Variants in HTT-AS observed in about 807,000 individuals in gnomAD.
HTT-AS encodes the protein HTT antisense RNA (head to head).
intron 2 of HTT-AS, among the ~76,000 whole-genome samples, chr4:3,060,044 C>G (rs1711897681): frequency 6.6e-6 from 1 of 151,852 alleles, no homozygotes; most frequent in Non-Finnish European, 1.5e-5. Context: ...GCGTCGGTCT[C>G]CTGAGTAGCT....
chr4:3,061,887 C>G (rs1711932621), intron 2 of HTT-AS, among the ~76,000 whole-genome samples: 1 of 147,536 alleles, frequency 6.8e-6, no homozygotes, highest in Admixed American at 7.0e-5. Flanking sequence ...CAGGCTGAGG[C>G]AGGAGAATGG....
exon 2 of HTT-AS, among the ~76,000 whole-genome samples, chr4:3,062,700 C>T (rs1478852674): frequency 4.6e-5 from 7 of 151,984 alleles, no homozygotes; most frequent in South Asian, 2.1e-4. Flanking sequence ...AGGGTAAGTG[C>T]GGTTCTCTGG....
intron 2 of HTT-AS, among the ~76,000 whole-genome samples, chr4:3,053,551 A>C (rs904320123): frequency 6.6e-6 from 1 of 152,126 alleles, no homozygotes; most frequent in African/African-American, 2.4e-5. Flanking sequence ...AATAAAAATA[A>C]AAATAAATAA....
chr4:3,047,082 T>C (rs554527579), downstream of HTT-AS, among the ~76,000 whole-genome samples: 188 of 152,164 alleles, frequency 1.2e-3, 1 homozygote, highest in African/African-American at 4.3e-3. Context: ...GAGGCCGAGG[T>C]GGGCAGATCA....
downstream of HTT-AS, among the ~76,000 whole-genome samples, chr4:3,048,300 G>A (rs146589826): frequency 4.4e-4 from 67 of 152,302 alleles, no homozygotes; most frequent in East Asian, 0.013. Flanking sequence ...GTCTCAGCAC[G>A]TCATTCATAG....
At chr4:3,060,515 G>A (rs934719469) in intron 2 of HTT-AS, among the ~76,000 whole-genome samples, 3 of 152,124 alleles carry the variant, frequency 2.0e-5, no homozygotes, top group Non-Finnish European at 2.9e-5. Flanking sequence ...GATGATATAC[G>A]AGTTAAAAAG....
intron 2 of HTT-AS, among the ~76,000 whole-genome samples, chr4:3,060,534 T>C (rs1427281733): frequency 6.6e-6 from 1 of 152,232 alleles, no homozygotes; most frequent in East Asian, 1.9e-4. Context: ...AGAAATTATT[T>C]AGGCAGATAC....
chr4:3,061,937 A>C (rs193015711), intron 2 of HTT-AS, among the ~76,000 whole-genome samples: 9 of 146,910 alleles, frequency 6.1e-5, no homozygotes, highest in Non-Finnish European at 4.5e-5. Context: ...AGCCGAGATC[A>C]CACCACTGCA....
intron 2 of HTT-AS, among the ~76,000 whole-genome samples, chr4:3,060,616 CAA>C (rs1392901276): frequency 2.0e-5 from 3 of 152,184 alleles, no homozygotes; most frequent in Admixed American, 6.5e-5. Flanking sequence ...TCTTTTCTAA[CAA>C]AGAGCAGCCT....
At chr4:3,073,835 G>C (rs895605691) in intron 1 of HTT-AS, among the ~76,000 whole-genome samples, 1 of 152,018 alleles carries the variant, frequency 6.6e-6, no homozygotes, top group Non-Finnish European at 1.5e-5. Context: ...CCCGCAGCTG[G>C]CTCCCCGCAG....
chr4:3,049,563 A>C (rs1486794587), exon 3 of HTT-AS, among the ~76,000 whole-genome samples: 1 of 152,178 alleles, frequency 6.6e-6, no homozygotes. Flanking sequence ...ATGGGTGTAC[A>C]GTTCCAGGAG....
intron 2 of HTT-AS, among the ~76,000 whole-genome samples, chr4:3,060,738 G>T (rs1711908401): frequency 6.6e-6 from 1 of 152,230 alleles, no homozygotes; most frequent in Non-Finnish European, 1.5e-5. Context: ...ATCCAACATG[G>T]CGGCTCCATC....
intron 1 of HTT-AS, among the ~76,000 whole-genome samples, chr4:3,073,976 A>T (rs868433409): frequency 2.0e-5 from 3 of 151,450 alleles, no homozygotes; most frequent in Non-Finnish European, 2.9e-5. Context: ...TCCTTTCCGC[A>T]TGGGCCTGCG....
intron 1 of HTT-AS, among the ~76,000 whole-genome samples, chr4:3,073,853 C>A (rs1035428607): frequency 9.9e-5 from 15 of 152,212 alleles, no homozygotes; most frequent in Non-Finnish European, 2.1e-4. Context: ...CAGGGCTGTC[C>A]GGGTGAGTAT....
At chr4:3,050,085 A>T (rs1228278461) in intron 2 of HTT-AS, among the ~76,000 whole-genome samples, 1 of 152,066 alleles carries the variant, frequency 6.6e-6, no homozygotes, top group Non-Finnish European at 1.5e-5. Context: ...TTCCATGATG[A>T]GTCACGAAAT....
At chr4:3,047,987 G>T (rs576721437), downstream of HTT-AS, among the ~76,000 whole-genome samples, 31 of 152,306 alleles carry the variant, frequency 2.0e-4, no homozygotes, top group East Asian at 5.6e-3. Flanking sequence ...TGCGTGACCT[G>T]ACCTATCATT....
chr4:3,074,062 C>T (rs1578473585), intron 1 of HTT-AS, among the ~76,000 whole-genome samples: 1 of 146,088 alleles, frequency 6.8e-6, no homozygotes, highest in South Asian at 2.2e-4. Flanking sequence ...CTCCATGGCC[C>T]TGCCCCTCCG....
intron 1 of HTT-AS, among the ~76,000 whole-genome samples, chr4:3,065,645 C>T (rs1712033606): frequency 6.6e-6 from 1 of 152,216 alleles, no homozygotes; most frequent in Admixed American, 6.5e-5. Flanking sequence ...TACCAAACAT[C>T]ATAGCTGAGC....
chr4:3,068,717 C>G lies in HTT-AS; in HGVS notation n.114-5017G>C, dbSNP rs557887312. 6.0e-5 allele frequency among the ~76,000 whole-genome samples: 9 copies of G among 149,490 alleles called. 1 individual carries two copies. In the East Asian group the frequency reaches 1.8e-3, roughly 29 times the overall value. Reference sequence around the variant, plus strand: ...TCGCCCAGGCTACAGTGAAATGGCACGGTCTCGGCTCACTGCAACCTCTGC... The same window carrying G: ...TCGCCCAGGCTACAGTGAAATGGCAGGGTCTCGGCTCACTGCAACCTCTGC... On this transcript the variant is annotated intron_variant and non_coding_transcript_variant, in intron 1 of 2. Coordinates refer to ENST00000664062, the Ensembl canonical transcript of HTT-AS.
Sources: allele counts gnomAD v4.1 joint callset (sites outside exome capture counted in the v4.1 genomes callset), GRCh38; gene constraint gnomAD v4.1.1; transcripts MANE v1.5; gene names NCBI Gene and HGNC (gene_info 2026-07-23, HGNC 2026-07-21).